The following SDC2 variants were observed in gnomAD, a reference collection of about 807,000 sequenced individuals.
SDC2 encodes the protein syndecan 2.
A neutral mutation model predicts 22.2 loss-of-function variants in SDC2; 13 were observed. That is an observed-to-expected ratio of 0.59 (90% CI 0.38 to 0.93). SDC2 has a LOEUF of 0.93. SDC2 is among the 40% of genes least tolerant of loss of function. The pLI, the probability that SDC2 is intolerant of heterozygous loss-of-function variation, is 0.00. For missense variants in SDC2, 235 were observed against 246.8 expected, an observed-to-expected ratio of 0.95 and a Z score of 0.32; for synonymous variants, 94 against 92.8, an observed-to-expected ratio of 1.01 and a Z score of -0.07.
intron 1 of SDC2, among the ~76,000 whole-genome samples, chr8:96,549,902 C>T (rs1258664695): frequency 6.6e-6 from 1 of 152,128 alleles, no homozygotes; most frequent in Non-Finnish European, 1.5e-5. Context: ...GAGTTAGAAT[C>T]TACTTTCTAA....
chr8:96,524,780 C>T (rs1388128745), intron 1 of SDC2, among the ~76,000 whole-genome samples: 2 of 152,164 alleles, frequency 1.3e-5, no homozygotes, highest in Admixed American at 1.3e-4. Context: ...TGTGGTTCCA[C>T]CTAATAAATA....
intron 2 of SDC2, among the ~76,000 whole-genome samples, chr8:96,600,749 T>A (rs1317073416): frequency 6.6e-6 from 1 of 152,130 alleles, no homozygotes; most frequent in Non-Finnish European, 1.5e-5. Context: ...CACTGCAAGG[T>A]CACAGGAGGA....
intron 1 of SDC2, among the ~76,000 whole-genome samples, chr8:96,569,166 T>C: frequency 6.6e-6 from 1 of 152,014 alleles, no homozygotes; most frequent in East Asian, 1.9e-4. Context: ...CACCAACACG[T>C]CCGGATAATT....
At chr8:96,543,488 C>CA (rs1342833606) in intron 1 of SDC2, among the ~76,000 whole-genome samples, 1 of 152,104 alleles carries the variant, frequency 6.6e-6, no homozygotes, top group Non-Finnish European at 1.5e-5. Context: ...GTAATCTGAA[C>CA]AAAATAAGTG....
intron 1 of SDC2, among the ~76,000 whole-genome samples, chr8:96,508,046 C>G (rs1813268649): frequency 1.3e-5 from 2 of 152,224 alleles, no homozygotes; most frequent in African/African-American, 4.8e-5. Flanking sequence ...CCTGTAATCC[C>G]AGCACTTTGG....
chr8:96,567,134 G>A (rs568751586), intron 1 of SDC2, among the ~76,000 whole-genome samples: 6 of 152,338 alleles, frequency 3.9e-5, no homozygotes, highest in South Asian at 4.1e-4. Flanking sequence ...GATTACAGGC[G>A]TGAGCCACTG....
intron 1 of SDC2, among the ~76,000 whole-genome samples, chr8:96,540,340 G>GTATGTATATATA (rs1554601719): frequency 2.4e-5 from 3 of 123,668 alleles, no homozygotes; most frequent in African/African-American, 8.9e-5. Context: ...ATATATATGT[G>GTATGTATATATA]TATATATATA....
chr8:96,580,629 A>G, intron 1 of SDC2: 5 of 617,432 alleles, frequency 8.1e-6, no homozygotes, highest in Non-Finnish European at 1.0e-5. Flanking sequence ...CCATCCTCAC[A>G]GGGCATGGGA....
intron 1 of SDC2, among the ~76,000 whole-genome samples, chr8:96,505,133 A>T (rs1462054542): frequency 6.6e-6 from 1 of 152,172 alleles, no homozygotes; most frequent in Non-Finnish European, 1.5e-5. Flanking sequence ...GCAAGTTATG[A>T]TGCTTAATTA....
chr8:96,611,130 A>T lies in SDC2; in HGVS notation c.*1582A>T, dbSNP rs146454220. 1 of 152,752 alleles carries T rather than the reference A, an allele frequency of 6.5e-6. No homozygotes were observed. The highest frequency in any genetic ancestry group is 6.5e-5 in the Admixed American group (1 of 15,284). 9.5% of individuals were successfully genotyped at this position (152,752 alleles called of 1,614,324 possible). A position where few individuals can be genotyped will look rare whatever the true frequency, so the allele number is the denominator to read the frequency against. On this transcript the variant is annotated 3_prime_UTR_variant, in exon 5 of 5. Transcript: ENST00000302190. ...AGCTCACGTTACAGGGAAGGAGGGTAGGCAGGGAGGCTCTGTGTGTTAAAA... is the reference window on the plus strand; with the variant it reads ...AGCTCACGTTACAGGGAAGGAGGGTTGGCAGGGAGGCTCTGTGTGTTAAAA...
intron 1 of SDC2, among the ~76,000 whole-genome samples, chr8:96,533,305 C>G (rs1282885927): frequency 1.3e-5 from 2 of 152,176 alleles, no homozygotes; most frequent in African/African-American, 4.8e-5. Flanking sequence ...CACCCACATC[C>G]TGTTGATTGG....
intron 1 of SDC2, among the ~76,000 whole-genome samples, chr8:96,554,375 T>C (rs1231354060): frequency 1.3e-5 from 2 of 152,228 alleles, no homozygotes; most frequent in East Asian, 3.8e-4. Context: ...AGTATTAGGC[T>C]ATTCGTGTAA....
intron 1 of SDC2, among the ~76,000 whole-genome samples, chr8:96,533,986 G>A (rs551368470): frequency 5.3e-4 from 80 of 152,310 alleles, no homozygotes; most frequent in South Asian, 8.3e-4. Flanking sequence ...GTGAGAATTC[G>A]AGTGCAGTGC....
chr8:96,502,048 G>T (rs1044832333), intron 1 of SDC2, among the ~76,000 whole-genome samples: 2 of 152,100 alleles, frequency 1.3e-5, no homozygotes, highest in African/African-American at 4.8e-5. Context: ...GTATTAGTCT[G>T]TTCTCACTCT....
At chr8:96,603,840 G>A (rs1030650234) in intron 3 of SDC2, among the ~76,000 whole-genome samples, 2 of 152,162 alleles carry the variant, frequency 1.3e-5, no homozygotes, top group East Asian at 1.9e-4. Flanking sequence ...CAAGCCAGGC[G>A]GTAGGAAGGC....
At chr8:96,568,404 C>T (rs1274337793) in intron 1 of SDC2, among the ~76,000 whole-genome samples, 17 of 152,202 alleles carry the variant, frequency 1.1e-4, no homozygotes, top group Admixed American at 1.1e-3. Flanking sequence ...ACATACCAAT[C>T]GACTGTCAGT....
At chr8:96,550,905 G>A (rs901933370) in intron 1 of SDC2, among the ~76,000 whole-genome samples, 5 of 152,058 alleles carry the variant, frequency 3.3e-5, no homozygotes, top group African/African-American at 1.2e-4. Flanking sequence ...TTTTTTTCTA[G>A]GTCTAATAGT....
At chr8:96,530,850 C>T (rs1178156058) in intron 1 of SDC2, among the ~76,000 whole-genome samples, 1 of 152,216 alleles carries the variant, frequency 6.6e-6, no homozygotes, top group Non-Finnish European at 1.5e-5. Context: ...CTCAGGAAGC[C>T]TTAAAATCTC....
chr8:96,609,385 C>T lies in SDC2; in HGVS notation c.443C>T (p.Ala148Val). The change falls in exon 5 of 5, where the codon GCT (alanine) becomes GTT (valine). Residue 148 changes from alanine to valine, a missense_variant and splice_region_variant. By Grantham distance (64) the Ala-to-Val change is moderately conservative. Transcript: ENST00000302190. ...GTAATCTTCCTTTTGGTTGTTTCAG[C>T]TGTCATTGCTGGTGGAGTTATTGGC... ...SLFKRTEVLA[A>V]VIAGGVIGFL... is the part of the protein sequence containing the mutation. 6.2e-7 allele frequency: 1 copy of T among 1,608,570 alleles called. No homozygotes were observed. The highest frequency in any genetic ancestry group is 1.7e-5 in the Admixed American group (1 of 59,072).
Sources: gnomAD v4.1 joint callset for allele counts (sites outside exome capture counted in the v4.1 genomes callset) on GRCh38, gnomAD v4.1.1 for gene constraint, MANE v1.5 for transcripts, NCBI Gene and HGNC (gene_info 2026-07-23, HGNC 2026-07-21) for gene names.